SEL1L2: variants seen among roughly 807,000 people sequenced by gnomAD.
SEL1L2 encodes the protein SEL1L2 adaptor subunit of SYVN1 ubiquitin ligase, also known as protein sel-1 homolog 2.
A neutral mutation model predicts 98.8 loss-of-function variants in SEL1L2; 89 were observed. The ratio of observed to expected loss-of-function variants is 0.90; its 90% CI spans 0.76 to 1.07. SEL1L2 has a LOEUF of 1.07. Among genes scored for constraint, SEL1L2 ranks in the 50% least tolerant of loss-of-function variants. The pLI is 0.00. For synonymous variants in SEL1L2, 262 were observed against 278.5 expected, an observed-to-expected ratio of 0.94 and a Z score of 0.59; for missense variants, 788 against 812.0, an observed-to-expected ratio of 0.97 and a Z score of 0.36.
intron 3 of SEL1L2, among the ~76,000 whole-genome samples, chr20:13,924,436 T>C (rs772628273): frequency 1.4e-4 from 22 of 152,180 alleles, no homozygotes; most frequent in East Asian, 5.8e-4. Context: ...TTTTCTTTTT[T>C]TTTTTAAGAG....
chr20:13,896,882 T>G (rs1011796424), intron 5 of SEL1L2, among the ~76,000 whole-genome samples: 1 of 152,174 alleles, frequency 6.6e-6, no homozygotes, highest in African/African-American at 2.4e-5. Flanking sequence ...ATCAATGTTA[T>G]TTTTTGCAGA....
intron 3 of SEL1L2, chr20:13,928,346 G>A (rs1041136573): frequency 6.6e-6 from 1 of 152,250 alleles, no homozygotes; most frequent in Non-Finnish European, 1.5e-5. Flanking sequence ...GAGAGCAGGA[G>A]GGGGTGTTTA....
At chr20:13,892,729 A>T (rs2148031023) in intron 5 of SEL1L2, among the ~76,000 whole-genome samples, 1 of 152,346 alleles carries the variant, frequency 6.6e-6, no homozygotes, top group Middle Eastern at 3.4e-3. Context: ...AAATAAAAAG[A>T]TATAGAGTGA....
chr20:13,973,325 G>A (rs961293773), intron 1 of SEL1L2: 3 of 152,026 alleles, frequency 2.0e-5, no homozygotes, highest in Non-Finnish European at 4.4e-5. Flanking sequence ...AAAAAATATG[G>A]AATGCTTCAC....
intron 17 of SEL1L2, among the ~76,000 whole-genome samples, chr20:13,859,651 T>C (rs1399433827): frequency 6.6e-6 from 1 of 152,228 alleles, no homozygotes; most frequent in Admixed American, 6.5e-5. Flanking sequence ...GTTTTCATTA[T>C]AGCGTAACAT....
At chr20:13,937,811 A>G (rs776403172) in intron 2 of SEL1L2, among the ~76,000 whole-genome samples, 2 of 152,160 alleles carry the variant, frequency 1.3e-5, no homozygotes, top group African/African-American at 2.4e-5. Context: ...GAGTTTCTTT[A>G]TTTTGGGGAA....
Position 13,849,250 on chromosome 20 carries a change from T to C in SEL1L2, c.*235A>G. The stretch of plus-strand genomic sequence containing the variant: ...GGGACTAGGTCACCAAGATGACAGA[T>C]TGGTAACAAGGTCTTAGGTGACCAG... On this transcript the variant is annotated 3_prime_UTR_variant, in exon 20 of 20. Coordinates refer to ENST00000284951, the MANE Select transcript of SEL1L2 (RefSeq NM_025229.2). 2.5e-6 allele frequency: 1 copy of C among 404,214 alleles called. No homozygotes were observed. Among genetic ancestry groups the C allele is most frequent in the Non-Finnish European group, 4.5e-6 (1 of 222,818 alleles). The allele number at this position is 404,214 out of a possible 1,614,324, so 25.0% of individuals were successfully genotyped here.
chr20:13,943,693 T>C (rs1374614738), intron 2 of SEL1L2, among the ~76,000 whole-genome samples: 1 of 152,116 alleles, frequency 6.6e-6, no homozygotes, highest in Non-Finnish European at 1.5e-5. Flanking sequence ...TCAGTTTCCT[T>C]TGGGGGAGTC....
chr20:13,964,185 A>C (rs2050920039), intron 1 of SEL1L2, among the ~76,000 whole-genome samples: 3 of 152,034 alleles, frequency 2.0e-5, no homozygotes, highest in South Asian at 4.1e-4. Context: ...GTATGTCTAA[A>C]TATTTAAATG....
chr20:13,860,493 C>T lies in SEL1L2; in HGVS notation c.1646-1059G>A, dbSNP rs187397263. 3.9e-5 allele frequency among the ~76,000 whole-genome samples: 6 copies of T among 152,286 alleles called. No individual in the cohort carries two copies. The East Asian group carries it at 7.7e-4, about 20-fold the overall frequency. ...CACTGGAGTGATGGGCCCCATCTGC[C>T]CAAGCACTGTCCTGTCGCAGCATTG... is the stretch of plus-strand genomic sequence containing the variant. On this transcript the variant is annotated intron_variant, in intron 17 of 19. Transcript: ENST00000284951.
chr20:13,935,926 A>T (rs960559656), intron 2 of SEL1L2, among the ~76,000 whole-genome samples: 5 of 152,134 alleles, frequency 3.3e-5, no homozygotes, highest in African/African-American at 1.2e-4. Flanking sequence ...TTGTTTCTGG[A>T]GATATTCCGG....
chr20:13,951,230 T>G (rs1486621860), intron 2 of SEL1L2, among the ~76,000 whole-genome samples: 1 of 120,540 alleles, frequency 8.3e-6, no homozygotes, highest in Non-Finnish European at 1.6e-5. Context: ...TGAGCCGAGA[T>G]AGCGCCACTG....
At chr20:13,932,597 A>C (rs1167913244) in intron 2 of SEL1L2, among the ~76,000 whole-genome samples, 1 of 151,612 alleles carries the variant, frequency 6.6e-6, no homozygotes, top group Non-Finnish European at 1.5e-5. Context: ...GTGCCTAGCT[A>C]ATTTTTGTAT....
intron 1 of SEL1L2, among the ~76,000 whole-genome samples, chr20:13,968,216 T>C (rs1006823162): frequency 3.3e-5 from 5 of 152,250 alleles, no homozygotes; most frequent in African/African-American, 1.2e-4. Context: ...CCGTTACTTA[T>C]TTTAATTTTT....
chr20:13,959,203 A>C (rs1304333347), intron 1 of SEL1L2, among the ~76,000 whole-genome samples: 3 of 152,218 alleles, frequency 2.0e-5, no homozygotes, highest in African/African-American at 7.2e-5. Flanking sequence ...TCTTTTCTTA[A>C]CAACGAACAT....
At chr20:13,866,996 T>G (rs1014453809) in intron 14 of SEL1L2, 146 bp from the exon 15 acceptor site, 1 of 728,486 alleles carries the variant, frequency 1.4e-6, no homozygotes, top group Non-Finnish European at 2.0e-6. Context: ...AATCCACTAT[T>G]TGTGAAGGTG....
upstream of SEL1L2, among the ~76,000 whole-genome samples, chr20:13,991,625 C>T (rs1335686593): frequency 2.0e-5 from 3 of 152,138 alleles, no homozygotes; most frequent in Non-Finnish European, 4.4e-5. Flanking sequence ...CCTTTGTGCC[C>T]CTCTTATAAA....
At chr20:13,926,187 C>T (rs564215382) in intron 3 of SEL1L2, among the ~76,000 whole-genome samples, 5 of 152,234 alleles carry the variant, frequency 3.3e-5, no homozygotes, top group East Asian at 3.9e-4. Context: ...GTGGTGCAGG[C>T]GCCCGTAGTC....
chr20:13,919,392 G>A (rs1403880887), intron 3 of SEL1L2, among the ~76,000 whole-genome samples: 2 of 152,220 alleles, frequency 1.3e-5, no homozygotes, highest in African/African-American at 2.4e-5. Flanking sequence ...CCTGATGGGA[G>A]AAGGGATGCT....
Sources: allele counts gnomAD v4.1 joint callset (sites outside exome capture counted in the v4.1 genomes callset), GRCh38; gene constraint gnomAD v4.1.1; transcripts MANE v1.5; gene names NCBI Gene and HGNC (gene_info 2026-07-23, HGNC 2026-07-21).